Variants in AP3B1 observed in about 807,000 individuals in gnomAD.
AP3B1 encodes the protein adaptor related protein complex 3 subunit beta 1.
In AP3B1, 61 loss-of-function variants were observed where a neutral mutation model predicts 132.5. The ratio of observed to expected loss-of-function variants is 0.46; its 90% CI spans 0.37 to 0.57. The LOEUF is 0.57. AP3B1 is among the 20% of genes least tolerant of loss of function. The probability of loss-of-function intolerance (pLI) is 0.00; values close to 1 mark genes in which losing one functional copy is unlikely to be tolerated. For missense variants in AP3B1, 1,120 were observed against 1,289.4 expected (o/e 0.87, Z 2.01); for synonymous variants, 388 against 438.3 (o/e 0.89, Z 1.43).
At chr5:78,164,071 A>C (rs1246761713) in intron 12 of AP3B1, among the ~76,000 whole-genome samples, 1 of 152,060 alleles carries the variant, frequency 6.6e-6, no homozygotes, top group Non-Finnish European at 1.5e-5. Context: ...AAATAAATTA[A>C]ATTAATTAAA....
chr5:78,082,039 T>A (rs1750033391), intron 22 of AP3B1, among the ~76,000 whole-genome samples: 1 of 152,178 alleles, frequency 6.6e-6, no homozygotes, highest in Non-Finnish European at 1.5e-5. Flanking sequence ...TTCTGTACAA[T>A]AAGGGTTTTT....
At chr5:78,051,600 C>T (rs1748587497) in intron 22 of AP3B1, among the ~76,000 whole-genome samples, 4 of 152,104 alleles carry the variant, frequency 2.6e-5, no homozygotes, top group Admixed American at 6.5e-5. Flanking sequence ...GACATTTCCA[C>T]GTAAAGCTTT....
At chr5:78,021,677 T>C (rs927962413) in intron 24 of AP3B1, among the ~76,000 whole-genome samples, 1 of 152,154 alleles carries the variant, frequency 6.6e-6, no homozygotes, top group Non-Finnish European at 1.5e-5. Context: ...CACAGGCTCA[T>C]TCAGTGGCTT....
intron 3 of AP3B1, among the ~76,000 whole-genome samples, chr5:78,229,395 T>C (rs1419627599): frequency 6.6e-6 from 1 of 152,136 alleles, no homozygotes; most frequent in Non-Finnish European, 1.5e-5. Context: ...TATCTTCACA[T>C]TCCTGATTAC....
chr5:78,164,931 T>G (rs1318549262), intron 12 of AP3B1, among the ~76,000 whole-genome samples: 2 of 152,292 alleles, frequency 1.3e-5, no homozygotes, highest in East Asian at 3.9e-4. Context: ...ATGTGGTATA[T>G]TTTTGTTAAG....
intron 14 of AP3B1, 33 bp downstream of exon 14, chr5:78,156,225 A>C: frequency 6.8e-7 from 1 of 1,466,138 alleles, no homozygotes; most frequent in Non-Finnish European, 9.6e-7. Flanking sequence ...TTACTGAATA[A>C]AATTCAGCAA....
At chr5:78,235,503 A>G (rs1342445511) in intron 3 of AP3B1, among the ~76,000 whole-genome samples, 1 of 152,240 alleles carries the variant, frequency 6.6e-6, no homozygotes, top group East Asian at 1.9e-4. Context: ...GAAGGTTGCG[A>G]AACACTAAAT....
At chr5:78,204,525 C>T (rs1014660593) in intron 7 of AP3B1, among the ~76,000 whole-genome samples, 1 of 152,236 alleles carries the variant, frequency 6.6e-6, no homozygotes, top group Non-Finnish European at 1.5e-5. Flanking sequence ...TCCACAGGAG[C>T]TTCTCAACTC....
intron 17 of AP3B1, among the ~76,000 whole-genome samples, chr5:78,118,862 G>A (rs1051924304): frequency 9.2e-5 from 14 of 152,142 alleles, no homozygotes; most frequent in Admixed American, 2.6e-4. Context: ...ATCTGAGAAC[G>A]GGCAGACTGC....
rs1330337695 is a variant in AP3B1, at chr5:78,162,707, G to A, written c.1363+112C>T. On this transcript the variant is annotated intron_variant, in intron 13 of 26. Transcript: ENST00000255194. ...TGCTACTTATTGTGACCATACTACT[G>A]ATATAACTGGAAAAGCTAAAATGCA... 2.7e-6 allele frequency: 3 copies of A among 1,120,598 alleles called. No individual in the cohort carries two copies. The African/African-American group carries it at 4.6e-5, about 17-fold the overall frequency. 69.4% of individuals were successfully genotyped at this position (1,120,598 alleles called of 1,614,324 possible).
At chr5:78,109,140 T>C (rs1751468910) in intron 20 of AP3B1, among the ~76,000 whole-genome samples, 2 of 152,164 alleles carry the variant, frequency 1.3e-5, no homozygotes, top group South Asian at 4.1e-4. Context: ...CTTAAGATTT[T>C]ATGTGAATTT....
chr5:78,088,637 T>C (rs1750369303), intron 22 of AP3B1, among the ~76,000 whole-genome samples: 1 of 152,206 alleles, frequency 6.6e-6, no homozygotes, highest in Non-Finnish European at 1.5e-5. Context: ...CCAGATCTAT[T>C]GAAGCTACCT....
intron 1 of AP3B1, among the ~76,000 whole-genome samples, chr5:78,270,624 A>G (rs551806784): frequency 6.6e-6 from 1 of 152,186 alleles, no homozygotes; most frequent in Non-Finnish European, 1.5e-5. Context: ...GCAAATATGA[A>G]TGGATATGCA....
intron 2 of AP3B1, among the ~76,000 whole-genome samples, chr5:78,253,762 C>T (rs1747735428): frequency 6.6e-6 from 1 of 151,864 alleles, no homozygotes; most frequent in East Asian, 1.9e-4. Flanking sequence ...GTCAGGAGAT[C>T]GAGACCATCC....
intron 26 of AP3B1, among the ~76,000 whole-genome samples, chr5:78,012,076 T>C (rs1339934730): frequency 2.0e-5 from 3 of 151,974 alleles, no homozygotes; most frequent in East Asian, 1.9e-4. Context: ...TCCTACTCTT[T>C]ATAAACTCAA....
intron 20 of AP3B1, among the ~76,000 whole-genome samples, chr5:78,108,970 T>C (rs1751458002): frequency 6.6e-6 from 1 of 152,206 alleles, no homozygotes; most frequent in South Asian, 2.1e-4. Flanking sequence ...AAAAAATACT[T>C]CTTACTCTGG....
chr5:78,223,027 C>CTCTTTTTTTTTTTTT (rs66493022), intron 6 of AP3B1, among the ~76,000 whole-genome samples: 22,370 of 123,380 alleles, frequency 0.18, 2,623 homozygotes, highest in Middle Eastern at 0.23. Context: ...TTGTTTGTTT[C>CTCTTTTTTTTTTTTT]TTTTTTTTTT....
intron 18 of AP3B1, among the ~76,000 whole-genome samples, chr5:78,115,032 G>A (rs1303439741): frequency 6.6e-6 from 1 of 152,142 alleles, no homozygotes; most frequent in African/African-American, 2.4e-5. Flanking sequence ...ACACAACAGG[G>A]TCTGCCACAG....
intron 21 of AP3B1, among the ~76,000 whole-genome samples, chr5:78,091,561 G>A (rs1750519110): frequency 6.6e-6 from 1 of 152,204 alleles, no homozygotes; most frequent in Non-Finnish European, 1.5e-5. Context: ...TGGAGAAGGA[G>A]TGGAAGAGGA....
Sources: gnomAD v4.1 joint callset for allele counts (sites outside exome capture counted in the v4.1 genomes callset) on GRCh38, gnomAD v4.1.1 for gene constraint, MANE v1.5 for transcripts, NCBI Gene and HGNC (gene_info 2026-07-23, HGNC 2026-07-21) for gene names.